The following CALML4 variants were observed in gnomAD, a reference collection of about 807,000 sequenced individuals.
CALML4 encodes calmodulin-like protein 4.
CALML4 carries 16 observed loss-of-function variants against 17.9 expected under a neutral mutation model. That is an observed-to-expected ratio of 0.89 (90% CI 0.61 to 1.36). The LOEUF is 1.36. CALML4 is among the 40% of genes most tolerant of loss of function. CALML4 has a pLI of 0.00. For synonymous variants in CALML4, 86 were observed against 71.5 expected, an observed-to-expected ratio of 1.20 and a Z score of -1.02; for missense variants, 203 against 194.8, an observed-to-expected ratio of 1.04 and a Z score of -0.25.
rs2093179411 is a variant in CALML4, at chr15:68,205,330, T to C, written c.-83A>G. On this transcript the variant is annotated 5_prime_UTR_variant, in exon 1 of 5. Coordinates refer to ENST00000467889, the MANE Select transcript of CALML4 (RefSeq NM_033429.3). This position sits in a 1 kb window ranked among gnomAD's most constrained non-coding sequence, Gnocchi z 4.8. Reference sequence around the variant, plus strand: ...CTTTCCTCCAGCCTCAAGTCTAAAGTCTGCCAAGCTGGGTGGAGGCCCGGG... The same window carrying C: ...CTTTCCTCCAGCCTCAAGTCTAAAGCCTGCCAAGCTGGGTGGAGGCCCGGG... The C allele has an allele frequency of 1.9e-6, 3 of 1,614,032 alleles. No individual in the cohort carries two copies. The highest frequency in any genetic ancestry group is 1.6e-4 in the Middle Eastern group (1 of 6,062).
rs905035400 is a variant in CALML4 at position 68,205,015 on chromosome 15, C to T, written c.34+106G>A. The T allele has an allele frequency of 7.2e-7, 1 of 1,393,230 alleles. No individual in the cohort carries two copies. The highest frequency in any genetic ancestry group is 1.0e-6 in the Non-Finnish European group (1 of 993,446). The allele number at this position is 1,393,230 out of a possible 1,614,324, so 86.3% of individuals were successfully genotyped here. On this transcript the variant is annotated intron_variant, in intron 2 of 4. Coordinates refer to ENST00000467889, the MANE Select transcript of CALML4 (RefSeq NM_033429.3). This position sits in a 1 kb window ranked among gnomAD's most constrained non-coding sequence, Gnocchi z 4.8. ...CTCTTGGCCCTGGGTGGGCCCAGCT[C>T]TCCCACAGCCACCTTCCTTCCCACC...
Position 68,191,823 on chromosome 15 carries a change from G to A in CALML4, c.*2192C>T, listed in dbSNP as rs1387114457. 6.6e-6 allele frequency: 1 copy of A among 152,106 alleles called. No homozygotes were observed. Among genetic ancestry groups the A allele is most frequent in the Non-Finnish European group, 1.5e-5 (1 of 68,034 alleles). The allele number at this position is 152,106 out of a possible 1,614,324, so 9.4% of individuals were successfully genotyped here. On this transcript the variant is annotated 3_prime_UTR_variant, in exon 5 of 5. Coordinates refer to ENST00000467889, the MANE Select transcript of CALML4 (RefSeq NM_033429.3). ...AGGAGTAAGGTAACAGCCCTTCCTC[G>A]GGTAGAGGTTTGAATCAAACACTTA...
chr15:68,202,806 GCTTT>G (rs2141130143), intron 2 of CALML4, among the ~76,000 whole-genome samples: 1 of 126,246 alleles, frequency 7.9e-6, no homozygotes, highest in South Asian at 2.3e-4. Flanking sequence ...ACCATGACCG[GCTTT>G]TTTTTTTTTT....
At chr15:68,194,919 G>C (rs957960189) in intron 4 of CALML4, among the ~76,000 whole-genome samples, 2 of 142,954 alleles carry the variant, frequency 1.4e-5, no homozygotes, top group African/African-American at 5.3e-5. Context: ...AGCACTGTCT[G>C]CTACCATCAC....
Position 68,199,578 on chromosome 15 carries a change from T to C in CALML4, c.138A>G (p.Pro46=). ...TCTGCAGGTGCCGCTGCACCTCCCCTGGCGTCGGGCTGGCCCCCAGGCACC... is the reference window on the plus strand; with the variant it reads ...TCTGCAGGTGCCGCTGCACCTCCCCCGGCGTCGGGCTGGCCCCCAGGCACC... ...AMRCLGASPT[P]GEVQRHLQTH... is the part of the protein sequence containing the mutation. The change falls in exon 3 of 5, where the codon CCA becomes CCG. Residue 46 remains proline (P), a synonymous_variant. Transcript: ENST00000467889. The C allele has an allele frequency of 6.2e-7, 1 of 1,613,748 alleles. No homozygotes were observed. The highest frequency in any genetic ancestry group is 8.5e-7 in the Non-Finnish European group (1 of 1,179,928).
chr15:68,201,293 G>A (rs2093164774), intron 2 of CALML4, among the ~76,000 whole-genome samples: 1 of 152,204 alleles, frequency 6.6e-6, no homozygotes, highest in African/African-American at 2.4e-5. Context: ...GGGGAAGCAG[G>A]GCCAGAGCCT....
rs1324846619 is a variant in CALML4, at chr15:68,205,238, C to T, written c.3+7G>A. The T allele has an allele frequency of 2.5e-6, 4 of 1,614,042 alleles. No homozygotes were observed. Among genetic ancestry groups the T allele is most frequent in the Non-Finnish European group, 3.4e-6 (4 of 1,180,022 alleles). ...CTGGCCAGGCCGACACAGACCCTCACACTCACCATTCTGGGGCCTCGGCTG... is the reference window on the plus strand; with the variant it reads ...CTGGCCAGGCCGACACAGACCCTCATACTCACCATTCTGGGGCCTCGGCTG... On this transcript the variant is annotated splice_region_variant and intron_variant, in intron 1 of 4. Transcript: ENST00000467889. This position sits in a 1 kb window ranked among gnomAD's most constrained non-coding sequence, Gnocchi z 4.8.
At chr15:68,205,522 A>G, upstream of CALML4, 1 of 959,954 alleles carries the variant, frequency 1.0e-6, no homozygotes, top group Non-Finnish European at 1.5e-6. The surrounding 1 kb of genome is among the most constrained non-coding windows in gnomAD (Gnocchi z 4.8). Context: ...CAGAAGCCGA[A>G]GCAAAGGGAC....
At position 68,200,739 on chromosome 15, in the gene CALML4, C is replaced by T. The variant is rs1394622568; in HGVS notation, c.35-1058G>A. 6.6e-6 allele frequency among the ~76,000 whole-genome samples: 1 copy of T among 152,190 alleles called. No individual in the cohort carries two copies. The highest frequency in any genetic ancestry group is 1.9e-4 in the East Asian group (1 of 5,188). On this transcript the variant is annotated intron_variant, in intron 2 of 4. Coordinates refer to ENST00000467889, the MANE Select transcript of CALML4 (RefSeq NM_033429.3). This position sits in a 1 kb window ranked among gnomAD's most constrained non-coding sequence, Gnocchi z 4.3. ...TCTGTTCTCTCTCCTGCTTCTCACACCACCCAGGTAGGTCCTTAGAGGCCT... is the reference window on the plus strand; with the variant it reads ...TCTGTTCTCTCTCCTGCTTCTCACATCACCCAGGTAGGTCCTTAGAGGCCT...
rs1288115242 is a variant in CALML4 at position 68,200,768 on chromosome 15, C to T, written c.35-1087G>A. Among the ~76,000 whole-genome samples the T allele has an allele frequency of 2.0e-5, 3 of 152,168 alleles. No homozygotes were observed. The highest frequency in any genetic ancestry group is 4.4e-5 in the Non-Finnish European group (3 of 68,018). ...CCAGGTAGGTCCTTAGAGGCCTGGA[C>T]AATAATAGCCCCTTAGCTGATGACA... On this transcript the variant is annotated intron_variant, in intron 2 of 4. Transcript: ENST00000467889. This position sits in a 1 kb window ranked among gnomAD's most constrained non-coding sequence, Gnocchi z 4.3.
In CALML4 at chr15:68,204,717, G is replaced by A. The variant is rs1228217293; in HGVS notation, c.34+404C>T. Among the ~76,000 whole-genome samples, 2 of 152,054 alleles carry A rather than the reference G, an allele frequency of 1.3e-5. No homozygotes were observed. Among genetic ancestry groups the A allele is most frequent in the African/African-American group, 2.4e-5 (1 of 41,384 alleles). On this transcript the variant is annotated intron_variant, in intron 2 of 4. Coordinates refer to ENST00000467889, the MANE Select transcript of CALML4 (RefSeq NM_033429.3). The surrounding 1 kb of genome is among the most constrained non-coding windows in gnomAD (Gnocchi z 6.0). ...GGAGACTGAGGCGCAGAGAGTAGAC[G>A]CATCCTGCCAGAGAGTGCAGACCTG...
At chr15:68,194,384 C>CTTTTT (rs56240648) in intron 4 of CALML4, among the ~76,000 whole-genome samples, 1 of 141,064 alleles carries the variant, frequency 7.1e-6, no homozygotes, top group African/African-American at 2.6e-5. Context: ...CCACCGTGTG[C>CTTTTT]TTTTTTTTTT....
At position 68,193,997 on chromosome 15, in the gene CALML4, C is replaced by T. The variant is rs2093131803; in HGVS notation, c.*18G>A. 4 of 1,555,554 alleles carry T rather than the reference C, an allele frequency of 2.6e-6. No homozygotes were observed. In the East Asian group the frequency reaches 6.8e-5, roughly 26 times the overall value. On this transcript the variant is annotated 3_prime_UTR_variant, in exon 5 of 5. Coordinates refer to ENST00000467889, the MANE Select transcript of CALML4 (RefSeq NM_033429.3). ...TCCAAGTTTTCAGGCCCAGGGGAGG[C>T]TCTCCCATTCTCCTCCTTCAATAGT...
chr15:68,199,919 C>T (rs2093159927), intron 2 of CALML4: 1 of 371,916 alleles, frequency 2.7e-6, no homozygotes, highest in African/African-American at 2.1e-5. Flanking sequence ...TTGCATAGGA[C>T]ATATACTTCT....
intron 4 of CALML4, 120 bp from the exon 5 acceptor site, chr15:68,194,232 G>A (rs978695575): frequency 1.5e-6 from 1 of 679,588 alleles, no homozygotes; most frequent in South Asian, 1.8e-5. Context: ...GACTATTCCT[G>A]TAGACCAGGA....
At chr15:68,196,976 C>T (rs555172792) in intron 4 of CALML4, among the ~76,000 whole-genome samples, 2 of 82 alleles carry the variant, frequency 0.024, no homozygotes, top group African/African-American at 0.043. Context: ...TCAGCAGCAA[C>T]TGCAGACTGC....
intron 4 of CALML4, among the ~76,000 whole-genome samples, chr15:68,195,720 G>T (rs950367232): frequency 1.3e-5 from 2 of 152,184 alleles, no homozygotes; most frequent in African/African-American, 4.8e-5. Context: ...CCTGCTGCTG[G>T]TATCATTCTT....
rs1404201223 is a variant in CALML4 at position 68,193,478 on chromosome 15, A to ATAAG, written c.*533_*536dup. ...CTCTGGCACTGCAAGAATTGTTGTC[A>ATAAG]TAAGTGTTACAGCTTTCTGTTCATT... On this transcript the variant is annotated 3_prime_UTR_variant, in exon 5 of 5. Coordinates refer to ENST00000467889, the MANE Select transcript of CALML4 (RefSeq NM_033429.3). 1.3e-5 allele frequency: 2 copies of ATAAG among 152,948 alleles called. No individual in the cohort carries two copies. The highest frequency in any genetic ancestry group is 1.3e-4 in the Admixed American group (2 of 15,410). The allele number at this position is 152,948 out of a possible 1,614,324, so 9.5% of individuals were successfully genotyped here. A position where few individuals can be genotyped will look rare whatever the true frequency, so the allele number is the denominator to read the frequency against.
rs1022586890 is a variant in CALML4, at chr15:68,192,198, C to T, written c.*1817G>A. 1.3e-5 allele frequency: 2 copies of T among 152,020 alleles called. No homozygotes were observed. Among genetic ancestry groups the T allele is most frequent in the African/African-American group, 4.8e-5 (2 of 41,378 alleles). 9.4% of individuals were successfully genotyped at this position (152,020 alleles called of 1,614,324 possible). On this transcript the variant is annotated 3_prime_UTR_variant, in exon 5 of 5. Coordinates refer to ENST00000467889, the MANE Select transcript of CALML4 (RefSeq NM_033429.3). ...CTTCCTAATGTCCATGACTGGAGCT[C>T]AAAAGAACTGTGGGCCTAGGACCTT... is the stretch of plus-strand genomic sequence containing the variant.
Sources: gnomAD v4.1 joint callset for allele counts (sites outside exome capture counted in the v4.1 genomes callset) on GRCh38, gnomAD v4.1.1 for gene constraint, Gnocchi (gnomAD v3.1) non-coding constraint, MANE v1.5 for transcripts, NCBI Gene and HGNC (gene_info 2026-07-23, HGNC 2026-07-21) for gene names.